The following TECPR2 variants were observed in gnomAD, a reference collection of about 807,000 sequenced individuals.
TECPR2 encodes the protein tectonin beta-propeller repeat containing 2, also known as tectonin beta-propeller repeat-containing protein 2.
Under a neutral mutation model 138.1 loss-of-function variants are expected in TECPR2, and 65 were observed. The observed-to-expected ratio is 0.47, with a 90% CI of 0.39 to 0.58. TECPR2 has a LOEUF of 0.58. Ranked by LOEUF, TECPR2 falls within the 20% of genes least tolerant of loss-of-function variation. The pLI is 0.00. For missense variants in TECPR2, 1,553 were observed against 1,824.5 expected (o/e 0.85, Z 2.71); for synonymous variants, 746 against 749.8 (o/e 0.99, Z 0.08).
intron 4 of TECPR2, among the ~76,000 whole-genome samples, chr14:102,410,101 G>A (rs1392216068): frequency 3.9e-5 from 6 of 152,162 alleles, no homozygotes; most frequent in African/African-American, 1.2e-4. Context: ...GAGCCACTGC[G>A]CCTGGCTGAA....
intron 17 of TECPR2, among the ~76,000 whole-genome samples, chr14:102,480,595 C>A (rs1472609513): frequency 6.6e-6 from 1 of 151,884 alleles, no homozygotes; most frequent in Non-Finnish European, 1.5e-5. Flanking sequence ...TCATAGCTCA[C>A]TATAACCACA....
At chr14:102,453,592 G>GT (rs1890204047) in intron 16 of TECPR2, among the ~76,000 whole-genome samples, 1 of 152,144 alleles carries the variant, frequency 6.6e-6, no homozygotes, top group Non-Finnish European at 1.5e-5. Flanking sequence ...TTCTCTCTGA[G>GT]TAGATTCTTG....
At chr14:102,368,397 A>G (rs1887404174) in intron 1 of TECPR2, among the ~76,000 whole-genome samples, 1 of 151,984 alleles carries the variant, frequency 6.6e-6, no homozygotes, top group Non-Finnish European at 1.5e-5. Flanking sequence ...TTTGAGATGA[A>G]GTCTTGCTGT....
chr14:102,404,810 G>A (rs1888611207), intron 2 of TECPR2, among the ~76,000 whole-genome samples: 2 of 151,778 alleles, frequency 1.3e-5, no homozygotes, highest in South Asian at 4.2e-4. Context: ...TTGACCTCAA[G>A]TGATTCGCCT....
chr14:102,432,151 A>T, intron 8 of TECPR2, 23 bp downstream of exon 8: 2 of 1,501,486 alleles, frequency 1.3e-6, no homozygotes, highest in Non-Finnish European at 1.8e-6. Context: ...GCTGGCACAC[A>T]CCCATCTGGG....
At chr14:102,450,156 T>C (rs1278958726) in intron 14 of TECPR2, among the ~76,000 whole-genome samples, 1 of 152,196 alleles carries the variant, frequency 6.6e-6, no homozygotes, top group East Asian at 1.9e-4. Flanking sequence ...AATTTCACAT[T>C]TTAAATGAAA....
chr14:102,378,813 C>T (rs1567315332), intron 2 of TECPR2, among the ~76,000 whole-genome samples: 3 of 152,136 alleles, frequency 2.0e-5, no homozygotes, highest in African/African-American at 4.8e-5. Context: ...TTAGTAGAGA[C>T]GGTATTTCAC....
In TECPR2 at chr14:102,435,010, G is replaced by A. The variant is rs751707851; in HGVS notation, c.2193G>A (p.Leu731=). 6.2e-7 allele frequency: 1 copy of A among 1,614,112 alleles called. No homozygotes were observed. The highest frequency in any genetic ancestry group is 1.1e-5 in the South Asian group (1 of 91,088). The part of the protein sequence containing the change: ...VGGQLTPVSA[L]AASTHKPWLE... ...GACAGCTGACTCCGGTCTCTGCCTT[G>A]GCAGCCAGCACTCACAAGCCCTGGC... Residue 731 remains leucine (L), a synonymous_variant, in exon 9 of 20, where the codon TTG becomes TTA. Transcript: ENST00000359520.
At chr14:102,408,656 T>G (rs1888730842) in intron 4 of TECPR2, 37 bp downstream of exon 4, 2 of 1,560,502 alleles carry the variant, frequency 1.3e-6, no homozygotes, top group Non-Finnish European at 1.7e-6. Flanking sequence ...GGCTCTTACC[T>G]TCTTACATTT....
At chr14:102,428,924 C>G (rs186877819) in intron 7 of TECPR2, among the ~76,000 whole-genome samples, 1 of 151,682 alleles carries the variant, frequency 6.6e-6, no homozygotes, top group East Asian at 2.0e-4. Context: ...CTCAGCTCAC[C>G]GCAACCTCTG....
intron 2 of TECPR2, among the ~76,000 whole-genome samples, chr14:102,392,467 A>G (rs1256020029): frequency 6.6e-6 from 1 of 151,988 alleles, no homozygotes; most frequent in East Asian, 1.9e-4. Flanking sequence ...TGTTCATTCC[A>G]CCCAGTGACA....
At chr14:102,404,922 G>A (rs1379305531) in intron 2 of TECPR2, among the ~76,000 whole-genome samples, 1 of 152,052 alleles carries the variant, frequency 6.6e-6, no homozygotes, top group Middle Eastern at 3.2e-3. Context: ...CACAGGGAAA[G>A]GACAGTCTTT....
rs992468400 is a variant in TECPR2 at position 102,465,428 on chromosome 14, ACT to A, written c.3789+143_3789+144del. 28 of 1,423,466 alleles carry A rather than the reference ACT, an allele frequency of 2.0e-5. No homozygotes were observed. The East Asian group carries it at 4.8e-4, about 24-fold the overall frequency. 88.2% of individuals were successfully genotyped at this position (1,423,466 alleles called of 1,614,324 possible). ...GGAGCCATGCCCCCAGGGTCTACAC[ACT>A]CTCGTTCATCAACATCACAACTGGA... On this transcript the variant is annotated intron_variant, in intron 17 of 19. Transcript: ENST00000359520.
intron 11 of TECPR2, among the ~76,000 whole-genome samples, chr14:102,442,504 C>T (rs1418155821): frequency 6.6e-6 from 1 of 152,244 alleles, no homozygotes; most frequent in Admixed American, 6.5e-5. Context: ...GCTGCCAGGA[C>T]ATTTGAGCTT....
At chr14:102,449,556 C>T in intron 13 of TECPR2, 73 bp from the exon 14 acceptor site, 1 of 1,589,044 alleles carries the variant, frequency 6.3e-7, no homozygotes, top group African/African-American at 1.3e-5. Context: ...GAGCTAGAAC[C>T]TTCCCTCAAG....
chr14:102,380,668 T>C (rs1167146124), intron 2 of TECPR2, among the ~76,000 whole-genome samples: 2 of 152,140 alleles, frequency 1.3e-5, no homozygotes, highest in African/African-American at 4.8e-5. Flanking sequence ...CAGTAGCATT[T>C]TTTTGGTTTT....
In TECPR2 at chr14:102,443,906, C is replaced by T. The variant is rs1889902565; in HGVS notation, c.2933+79C>T. On this transcript the variant is annotated intron_variant, in intron 12 of 19. Transcript: ENST00000359520. This position sits in a 1 kb window ranked among gnomAD's most constrained non-coding sequence, Gnocchi z 4.9. ...TTGTCCACTTGACACCACAAGGCAC[C>T]ATGAGGCCGTTCCTGGGAGGCAGCA... 4 of 1,375,382 alleles carry T rather than the reference C, an allele frequency of 2.9e-6. 1 individual carries two copies. Among genetic ancestry groups the T allele is most frequent in the Middle Eastern group, 5.4e-4 (2 of 3,672 alleles). The allele number at this position is 1,375,382 out of a possible 1,614,324, so 85.2% of individuals were successfully genotyped here. A position where few individuals can be genotyped will look rare whatever the true frequency, so the allele number is the denominator to read the frequency against.
intron 2 of TECPR2, among the ~76,000 whole-genome samples, chr14:102,398,422 T>C (rs1287549740): frequency 6.6e-6 from 1 of 152,090 alleles, no homozygotes; most frequent in East Asian, 1.9e-4. Context: ...GAGAGATTAT[T>C]TGAAGAAATA....
rs765193334 is a variant in TECPR2, at chr14:102,450,575, A to G, written c.3332A>G (p.His1111Arg). 1.2e-6 allele frequency: 2 copies of G among 1,614,132 alleles called. No individual in the cohort carries two copies. Among genetic ancestry groups the G allele is most frequent in the Non-Finnish European group, 1.7e-6 (2 of 1,180,022 alleles). ...CTCTTTCCAGGCACCTACTGGAATC[A>G]TGTGGTTCCCCGTGGGACAGCTTCT... ...KGSLIGTYWN[H>R]VVPRGTASAT... is the part of the protein sequence containing the mutation. Residue 1111 changes from histidine to arginine, a missense_variant, in exon 15 of 20, where the codon CAT becomes CGT. His to Arg is a conservative substitution (Grantham distance 29). Transcript: ENST00000359520.
Sources: allele counts gnomAD v4.1 joint callset (sites outside exome capture counted in the v4.1 genomes callset), GRCh38; gene constraint gnomAD v4.1.1; non-coding constraint Gnocchi (gnomAD v3.1); transcripts MANE v1.5; gene names NCBI Gene and HGNC (gene_info 2026-07-23, HGNC 2026-07-21).